PCDHA3: variants seen among roughly 807,000 people sequenced by gnomAD.
PCDHA3 encodes protocadherin alpha 3.
A neutral mutation model predicts 62.2 loss-of-function variants in PCDHA3; 41 were observed. That is an observed-to-expected ratio of 0.66 (90% CI 0.51 to 0.86). PCDHA3 has a LOEUF of 0.86. Ranked by LOEUF, PCDHA3 falls within the 40% of genes least tolerant of loss-of-function variation. The probability of loss-of-function intolerance (pLI) is 0.00; values close to 1 mark genes in which losing one functional copy is unlikely to be tolerated. For synonymous variants in PCDHA3, 640 were observed against 555.4 expected, an observed-to-expected ratio of 1.15 and a Z score of -2.14; for missense variants, 1,304 against 1,241.2, an observed-to-expected ratio of 1.05 and a Z score of -0.76.
chr5:140,926,806 C>T, intron 1 of PCDHA3: 1 of 1,456,722 alleles, frequency 6.9e-7, no homozygotes, highest in Non-Finnish European at 9.0e-7. Flanking sequence ...CTCTTCCCCG[C>T]GGCTCGTGCT....
At position 141,009,807 on chromosome 5, in the gene PCDHA3, T is replaced by C. The variant is rs1554262456; in HGVS notation, c.2723T>C (p.Ile908Thr). ...CGGCAGGAGCCTACTAACAGCCAAA[T>C]TGACAAAAGTGACTTCATAACCTTC... is the stretch of plus-strand genomic sequence containing the variant. ...SIRQEPTNSQIDKSDFITFGK... is the reference protein window; with the variant it reads ...SIRQEPTNSQTDKSDFITFGK... Residue 908 changes from isoleucine to threonine, a missense_variant, in exon 4 of 4, where the codon ATT (isoleucine) becomes ACT (threonine). Ile to Thr is a moderately conservative substitution (Grantham distance 89). Transcript: ENST00000522353. 9.9e-6 allele frequency: 16 copies of C among 1,613,824 alleles called. No homozygotes were observed. Among genetic ancestry groups the C allele is most frequent in the South Asian group, 1.1e-5 (1 of 91,066 alleles).
chr5:140,836,386 C>T, intron 1 of PCDHA3: 1 of 1,613,722 alleles, frequency 6.2e-7, no homozygotes, highest in Non-Finnish European at 8.5e-7. Context: ...GTGCTGGTGT[C>T]GCTGGTGGAA....
chr5:140,829,768 C>T (rs2150174166), intron 1 of PCDHA3: 18 of 1,613,762 alleles, frequency 1.1e-5, no homozygotes, highest in African/African-American at 5.3e-5. Context: ...TGGACGAGAA[C>T]GACAACGCGC....
rs2150416321 is a variant in PCDHA3 at position 140,848,658 on chromosome 5, G to C, written c.2394+45067G>C. On this transcript the variant is annotated intron_variant, in intron 1 of 3. Coordinates refer to ENST00000522353, the MANE Select transcript of PCDHA3 (RefSeq NM_018906.3). ...CCGCATCGCGCAGGACCTGGGGCTG[G>C]AGCTGGCGGAGCTGGTGCCGCGCCT... The C allele has an allele frequency of 2.5e-6, 4 of 1,592,362 alleles. No homozygotes were observed. The highest frequency in any genetic ancestry group is 4.5e-5 in the East Asian group (2 of 44,824).
chr5:140,861,591 A>G, intron 1 of PCDHA3: 1 of 374,610 alleles, frequency 2.7e-6, no homozygotes, highest in South Asian at 2.5e-5. Context: ...TGTGGAGGTG[A>G]AAGTGAAGAA....
chr5:140,874,093 TG>T, intron 1 of PCDHA3, among the ~76,000 whole-genome samples: 2 of 152,364 alleles, frequency 1.3e-5, no homozygotes, highest in Middle Eastern at 6.8e-3. Context: ...AATTCAAATA[TG>T]TTTTTAATTA....
At chr5:140,891,504 A>G (rs1225432214) in intron 1 of PCDHA3, among the ~76,000 whole-genome samples, 1 of 151,662 alleles carries the variant, frequency 6.6e-6, no homozygotes, top group Non-Finnish European at 1.5e-5. Context: ...CTCAGCTATA[A>G]TGTTCTCCAA....
At chr5:140,807,922 C>A (rs1554124344) in intron 1 of PCDHA3, 7 of 1,613,988 alleles carry the variant, frequency 4.3e-6, no homozygotes, top group East Asian at 2.2e-5. Flanking sequence ...TTGACAGAAC[C>A]ATTTATAAGG....
chr5:140,803,163 G>T lies in PCDHA3; in HGVS notation c.1966G>T (p.Glu656Ter). 6.2e-7 allele frequency: 1 copy of T among 1,613,882 alleles called. No homozygotes were observed. Among genetic ancestry groups the T allele is most frequent in the Admixed American group, 1.7e-5 (1 of 60,028 alleles). ...ACTGGTGCTGGTGAAGGACCACGGT[G>T]AACCCTCATTGACCGCCACGGCCAC... Reference protein sequence around the residue: ...RLLVLVKDHGEPSLTATATVL... With the variant: ...RLLVLVKDHG Residue 656 changes from glutamate (E) to a stop codon, truncating the protein, a stop_gained, in exon 1 of 4, where the codon GAA becomes TAA. Coordinates refer to ENST00000522353, the MANE Select transcript of PCDHA3 (RefSeq NM_018906.3). LOFTEE classifies it high-confidence loss of function.
chr5:140,869,758 A>AAACC, intron 1 of PCDHA3: 1 of 1,613,288 alleles, frequency 6.2e-7, no homozygotes, highest in Non-Finnish European at 8.5e-7. Context: ...AGACGGGGGA[A>AAACC]AACCAGAGCT....
chr5:140,813,572 G>A (rs1306655317), intron 1 of PCDHA3: 1 of 152,194 alleles, frequency 6.6e-6, no homozygotes, highest in Non-Finnish European at 1.5e-5. Flanking sequence ...GGAGACTGCG[G>A]GGCTGGAAAT....
At chr5:140,841,614 G>T in intron 1 of PCDHA3, 2 of 1,614,122 alleles carry the variant, frequency 1.2e-6, no homozygotes, top group South Asian at 1.1e-5. Context: ...CTGTGCGGGC[G>T]GAGCGCGGAG....
chr5:140,986,073 G>A (rs1428668406), intron 3 of PCDHA3, among the ~76,000 whole-genome samples: 1 of 152,176 alleles, frequency 6.6e-6, no homozygotes, highest in East Asian at 1.9e-4. Context: ...TAAAGAAACT[G>A]TTCATTTATT....
rs2150331994 is a variant in PCDHA3, at chr5:140,842,213, A to G, written c.2394+38622A>G. The G allele has an allele frequency of 8.1e-6, 13 of 1,613,600 alleles. 1 individual carries two copies. The South Asian group carries it at 1.4e-4, about 18-fold the overall frequency. ...TATTGACCACTTTAGCATAGATCGA[A>G]ATACGGGAGAAATAGTGATTCGGGG... On this transcript the variant is annotated intron_variant, in intron 1 of 3. Coordinates refer to ENST00000522353, the MANE Select transcript of PCDHA3 (RefSeq NM_018906.3).
intron 1 of PCDHA3, among the ~76,000 whole-genome samples, chr5:140,889,031 A>C (rs1234867332): frequency 6.6e-6 from 1 of 152,012 alleles, no homozygotes; most frequent in African/African-American, 2.4e-5. Flanking sequence ...GGATAACCGT[A>C]ATTTGATTAT....
rs529968685 is a variant in PCDHA3 at position 140,857,928 on chromosome 5, C to T, written c.2394+54337C>T. ...ATCCCGTTTCGCGTGGGGCTGTACA[C>T]GGGCGAGATCAGTACGACGCGCGCT... On this transcript the variant is annotated intron_variant, in intron 1 of 3. Coordinates refer to ENST00000522353, the MANE Select transcript of PCDHA3 (RefSeq NM_018906.3). The T allele has an allele frequency of 2.5e-6, 4 of 1,597,668 alleles. No individual in the cohort carries two copies. In the South Asian group the frequency reaches 3.3e-5, roughly 13 times the overall value.
rs201991205 is a variant in PCDHA3 at position 140,982,521 on chromosome 5, G to C, written c.2500G>C (p.Gly834Arg). ...TGGCATTCTACGGGCTGGTCCAGGAGGGCCTGATCAGCAGTGGCCAACAGT... is the reference window on the plus strand; with the variant it reads ...TGGCATTCTACGGGCTGGTCCAGGACGGCCTGATCAGCAGTGGCCAACAGT... ...EAGILRAGPG[G>R]PDQQWPTVSS... Residue 834 changes from glycine to arginine, a missense_variant, in exon 3 of 4, where the codon GGG becomes CGG. Gly to Arg is a moderately radical substitution (Grantham distance 125). Coordinates refer to ENST00000522353, the MANE Select transcript of PCDHA3 (RefSeq NM_018906.3). The C allele has an allele frequency of 9.3e-6, 15 of 1,614,216 alleles. No individual in the cohort carries two copies. In the Admixed American group the frequency reaches 2.3e-4, roughly 25 times the overall value.
intron 1 of PCDHA3, chr5:140,878,248 C>A (rs1449904760): frequency 6.5e-6 from 1 of 154,860 alleles, no homozygotes; most frequent in African/African-American, 2.4e-5. Flanking sequence ...TTAACTCTTC[C>A]TCACGTGCTT....
At chr5:140,823,372 C>A in intron 1 of PCDHA3, 1 of 1,612,598 alleles carries the variant, frequency 6.2e-7, no homozygotes, top group Non-Finnish European at 8.5e-7. Context: ...GCTGCAGTTC[C>A]AGGTGAGCGC....
Sources: gnomAD v4.1 joint callset for allele counts (sites outside exome capture counted in the v4.1 genomes callset) on GRCh38, gnomAD v4.1.1 for gene constraint, MANE v1.5 for transcripts, NCBI Gene and HGNC (gene_info 2026-07-23, HGNC 2026-07-21) for gene names.